Variants in ARHGEF10 observed in about 807,000 individuals in gnomAD.
ARHGEF10 encodes the protein Rho guanine nucleotide exchange factor 10, also known as Rho guanine nucleotide exchange factor (GEF) 10.
ARHGEF10 carries 140 observed loss-of-function variants against 147.4 expected under a neutral mutation model. The observed-to-expected ratio is 0.95, with a 90% confidence interval of 0.83 to 1.09. ARHGEF10 has a LOEUF of 1.09. Ranked by LOEUF, ARHGEF10 falls within the 50% of genes least tolerant of loss-of-function variation. The pLI is 0.00. For missense variants in ARHGEF10, 2,222 were observed against 1,752.7 expected, an observed-to-expected ratio of 1.27 and a Z score of -4.78; for synonymous variants, 902 against 695.8, an observed-to-expected ratio of 1.30 and a Z score of -4.67.
chr8:1,940,592 T>G (rs984437449), intron 26 of ARHGEF10, among the ~76,000 whole-genome samples: 1 of 152,130 alleles, frequency 6.6e-6, no homozygotes, highest in East Asian at 1.9e-4. Context: ...TCCCAAACTC[T>G]CCAAAAATAT....
intron 3 of ARHGEF10, 111 bp downstream of exon 3, chr8:1,858,226 G>A (rs1805762198): frequency 1.5e-5 from 14 of 945,418 alleles, no homozygotes; most frequent in Non-Finnish European, 2.1e-5. Context: ...GTCCCCAGGT[G>A]AGTCCCCAGG....
At chr8:1,834,277 C>T (rs564728570) in intron 1 of ARHGEF10, among the ~76,000 whole-genome samples, 3 of 152,350 alleles carry the variant, frequency 2.0e-5, no homozygotes, top group African/African-American at 4.8e-5. Context: ...AAAGCCCTTG[C>T]GAGACTGAAT....
chr8:1,936,569 G>T (rs1189646809), intron 26 of ARHGEF10, among the ~76,000 whole-genome samples: 1 of 152,134 alleles, frequency 6.6e-6, no homozygotes, highest in Admixed American at 6.5e-5. Context: ...TTCAGTTGGG[G>T]CAAGGGGTCT....
chr8:1,842,914 C>T (rs1051692750), intron 1 of ARHGEF10, among the ~76,000 whole-genome samples: 4 of 152,166 alleles, frequency 2.6e-5, no homozygotes, highest in African/African-American at 9.7e-5. Context: ...CACGCCTAAT[C>T]CCAGCTAAGT....
chr8:1,841,922 CGCGGCGG>C (rs1804090237), intron 1 of ARHGEF10, among the ~76,000 whole-genome samples: 1 of 94,034 alleles, frequency 1.1e-5, no homozygotes, highest in Non-Finnish European at 2.0e-5. Flanking sequence ...GAACTGGGGC[CGCGGCGG>C]GAACTGGGGC....
intron 16 of ARHGEF10, chr8:1,903,838 A>T (rs1052349444): frequency 6.7e-6 from 2 of 299,364 alleles, no homozygotes; most frequent in African/African-American, 4.4e-5. Flanking sequence ...TCACACCTGT[A>T]AGCCCAGCAC....
chr8:1,850,249 GAC>G (rs1805002084), intron 2 of ARHGEF10, among the ~76,000 whole-genome samples: 3 of 136,546 alleles, frequency 2.2e-5, no homozygotes, highest in East Asian at 2.3e-4. Context: ...CAGTCGCGTG[GAC>G]ACAGACGGCA....
chr8:1,889,462 G>A (rs1207867787), intron 11 of ARHGEF10, among the ~76,000 whole-genome samples: 22 of 59,444 alleles, frequency 3.7e-4, no homozygotes, highest in African/African-American at 2.2e-3. Flanking sequence ...GGGGTGAGGG[G>A]TCTGTGAGGA....
chr8:1,855,008 C>A (rs76961639), intron 2 of ARHGEF10, among the ~76,000 whole-genome samples: 2,896 of 152,188 alleles, frequency 0.019, 88 homozygotes, highest in East Asian at 0.096. Flanking sequence ...GTGGAGGGGC[C>A]TCGGTGTCTC....
intron 2 of ARHGEF10, among the ~76,000 whole-genome samples, chr8:1,850,328 A>G (rs1435228649): frequency 5.9e-5 from 7 of 118,192 alleles, no homozygotes; most frequent in East Asian, 2.6e-4. Flanking sequence ...GGCGTGGGGC[A>G]ACCGTGTGGA....
intron 1 of ARHGEF10, among the ~76,000 whole-genome samples, chr8:1,828,629 A>G (rs57067770): frequency 1.5e-5 from 2 of 136,366 alleles, no homozygotes; most frequent in Non-Finnish European, 3.1e-5. Flanking sequence ...CGTGGCATGC[A>G]CACTTAACGG....
intron 1 of ARHGEF10, among the ~76,000 whole-genome samples, chr8:1,834,648 C>T (rs763247841): frequency 1.1e-4 from 17 of 152,246 alleles, no homozygotes; most frequent in Non-Finnish European, 1.9e-4. Flanking sequence ...CCTCTGGAAA[C>T]ATTCAGTGGA....
rs1212711151 is a variant in ARHGEF10 at position 1,823,971 on chromosome 8, C to T, written c.-190C>T. The stretch of plus-strand genomic sequence containing the variant: ...TAGCCGGCGGGCGCGCGATCCGGGA[C>T]GGACGGGGTCGCGGGGGACGCGGGG... On this transcript the variant is annotated 5_prime_UTR_variant, in exon 1 of 29. The change creates a new upstream start codon in the 5' untranslated region. Coordinates refer to ENST00000349830, the MANE Select transcript of ARHGEF10 (RefSeq NM_014629.4). 8.0e-6 allele frequency: 1 copy of T among 124,720 alleles called. No individual in the cohort carries two copies. Among genetic ancestry groups the T allele is most frequent in the African/African-American group, 3.2e-5 (1 of 31,598 alleles). 7.7% of individuals were successfully genotyped at this position (124,720 alleles called of 1,614,324 possible). A position where few individuals can be genotyped will look rare whatever the true frequency, so the allele number is the denominator to read the frequency against.
intron 11 of ARHGEF10, among the ~76,000 whole-genome samples, chr8:1,891,655 C>G (rs530345242): frequency 6.6e-6 from 1 of 152,118 alleles, no homozygotes; most frequent in Non-Finnish European, 1.5e-5. Context: ...GCCAGGGACC[C>G]TCCCTGTGGG....
intron 18 of ARHGEF10, among the ~76,000 whole-genome samples, chr8:1,912,179 TTG>T (rs1474678473): frequency 1.3e-5 from 2 of 151,520 alleles, no homozygotes; most frequent in Non-Finnish European, 2.9e-5. Flanking sequence ...GCCGTGTCGA[TTG>T]TGTGTTTGCC....
chr8:1,924,606 C>G (rs184027748), intron 21 of ARHGEF10, among the ~76,000 whole-genome samples: 1 of 152,308 alleles, frequency 6.6e-6, no homozygotes, highest in Admixed American at 6.5e-5. Flanking sequence ...GGCTTTGTCC[C>G]GGACGGGAAA....
chr8:1,827,168 C>T (rs550403311), intron 1 of ARHGEF10, among the ~76,000 whole-genome samples: 1 of 152,334 alleles, frequency 6.6e-6, no homozygotes, highest in East Asian at 1.9e-4. Context: ...GCCCTGCCAC[C>T]AGCCCCCACG....
In ARHGEF10 at chr8:1,952,803, C is replaced by A. The variant is rs1815166307; in HGVS notation, c.3496C>A (p.Leu1166Met). Reference sequence around the variant, plus strand: ...CCTCGTGGCCCTGCCGGTCCCACGTCTGCAAGGGATTCCCAAAGTGACCGG... The same window carrying A: ...CCTCGTGGCCCTGCCGGTCCCACGTATGCAAGGGATTCCCAAAGTGACCGG... ...GVLVALPVPR[L>M]QGIPKVTGRG... The change falls in exon 28 of 29, where the codon CTG becomes ATG. Residue 1166 changes from leucine to methionine, a missense_variant. Leu to Met is a conservative substitution (Grantham distance 15). Transcript: ENST00000349830. The A allele has an allele frequency of 6.2e-7, 1 of 1,613,808 alleles. No individual in the cohort carries two copies. The highest frequency in any genetic ancestry group is 8.5e-7 in the Non-Finnish European group (1 of 1,180,062).
chr8:1,952,898 G>C, intron 28 of ARHGEF10, 71 bp downstream of exon 28: 4 of 1,601,070 alleles, frequency 2.5e-6, no homozygotes, highest in Non-Finnish European at 3.4e-6. Context: ...AGTGTGTAGT[G>C]TGATTTAACA....
Sources: gnomAD v4.1 joint callset for allele counts (sites outside exome capture counted in the v4.1 genomes callset) on GRCh38, gnomAD v4.1.1 for gene constraint, MANE v1.5 for transcripts, NCBI Gene and HGNC (gene_info 2026-07-23, HGNC 2026-07-21) for gene names.